BRI3BP: variants seen among roughly 807,000 people sequenced by gnomAD.
BRI3BP encodes the protein BRI3 binding protein.
A neutral mutation model predicts 15.8 loss-of-function variants in BRI3BP; 7 were observed. The ratio of observed to expected loss-of-function variants is 0.44; its 90% confidence interval spans 0.25 to 0.83. The LOEUF is 0.83. BRI3BP is among the 40% of genes least tolerant of loss of function. The probability of loss-of-function intolerance (pLI) is 0.20; values close to 1 mark genes in which losing one functional copy is unlikely to be tolerated. For missense variants in BRI3BP, 320 were observed against 339.3 expected (o/e 0.94, Z 0.45); for synonymous variants, 192 against 163.5 (o/e 1.17, Z -1.33).
At chr12:125,033,725 G>A (rs993356299), downstream of BRI3BP, among the ~76,000 whole-genome samples, 2 of 149,380 alleles carry the variant, frequency 1.3e-5, no homozygotes, top group African/African-American at 5.0e-5. Flanking sequence ...CCCCTGTACT[G>A]TTTTGTTTTT....
chr12:125,051,110 A>G, the BRI3BP span, among the ~76,000 whole-genome samples: 1 of 152,210 alleles, frequency 6.6e-6, no homozygotes, highest in Non-Finnish European at 1.5e-5. Context: ...CAAGCTTCAG[A>G]TGGCTTGTCT....
At position 125,031,024 on chromosome 12, in the gene BRI3BP, TTA is replaced by T. The variant is rs1955402446; in HGVS notation, c.*5599_*5600del. 1 of 151,956 alleles carries T rather than the reference TTA, an allele frequency of 6.6e-6. No homozygotes were observed. Among genetic ancestry groups the T allele is most frequent in the South Asian group, 2.1e-4 (1 of 4,830 alleles). The allele number at this position is 151,956 out of a possible 1,614,324, so 9.4% of individuals were successfully genotyped here. ...TTGGGAAACTGATTCTACAAATATCTTATATAGAGATAAATGTATCAGGCATT... is the reference window on the plus strand; with the variant it reads ...TTGGGAAACTGATTCTACAAATATCTTATAGAGATAAATGTATCAGGCATT... On this transcript the variant is annotated 3_prime_UTR_variant, in exon 3 of 3. Coordinates refer to ENST00000341446, the MANE Select transcript of BRI3BP (RefSeq NM_080626.6).
the BRI3BP span, among the ~76,000 whole-genome samples, chr12:125,039,695 C>T: frequency 8.4e-4 from 127 of 151,892 alleles, no homozygotes; most frequent in African/African-American, 3.0e-3. Flanking sequence ...GACGTGGAGG[C>T]TTAAAAGGGT....
chr12:125,025,750 C>A lies in BRI3BP; in HGVS notation c.*320C>A. ...AGAGCATAAAGTTAATTTTTTCAAG[C>A]ATTTAAATACATCTTTTGTAAGGTT... On this transcript the variant is annotated 3_prime_UTR_variant, in exon 3 of 3. Transcript: ENST00000341446. The A allele has an allele frequency of 7.4e-5, 16 of 215,120 alleles. No homozygotes were observed. The highest frequency in any genetic ancestry group is 9.9e-5 in the East Asian group (1 of 10,084). 13.3% of individuals were successfully genotyped at this position (215,120 alleles called of 1,614,324 possible). A position where few individuals can be genotyped will look rare whatever the true frequency, so the allele number is the denominator to read the frequency against.
chr12:125,017,701 A>G (rs963438136), intron 2 of BRI3BP, among the ~76,000 whole-genome samples: 1 of 152,106 alleles, frequency 6.6e-6, no homozygotes, highest in Non-Finnish European at 1.5e-5. Flanking sequence ...CAGGAGTTGG[A>G]AGGATGGCTT....
At chr12:125,044,248 G>T in the BRI3BP span, among the ~76,000 whole-genome samples, 3 of 152,078 alleles carry the variant, frequency 2.0e-5, no homozygotes, top group South Asian at 4.2e-4. Context: ...CAGCTCCCGG[G>T]TTCAAGCGAT....
At chr12:124,994,031 A>G in intron 1 of BRI3BP, 28 bp downstream of exon 1, 4 of 1,273,808 alleles carry the variant, frequency 3.1e-6, no homozygotes, top group Admixed American at 3.1e-5. Flanking sequence ...GCCCGCGGTC[A>G]CCTTGCCCCG....
chr12:125,013,112 C>T (rs942219276), intron 2 of BRI3BP, among the ~76,000 whole-genome samples: 4 of 152,054 alleles, frequency 2.6e-5, no homozygotes, highest in African/African-American at 9.7e-5. Context: ...AAACAAATGG[C>T]CCATCAAAGC....
At chr12:125,004,887 G>C (rs12302068) in intron 1 of BRI3BP, among the ~76,000 whole-genome samples, 9,252 of 151,988 alleles carry the variant, frequency 0.061, 415 homozygotes, top group Admixed American at 0.14. Context: ...CCTGTGTCAC[G>C]CAGGCTGGAG....
downstream of BRI3BP, among the ~76,000 whole-genome samples, chr12:125,032,745 G>A (rs553020957): frequency 7.2e-5 from 11 of 152,356 alleles, no homozygotes; most frequent in Non-Finnish European, 1.5e-4. Context: ...CTGCATTCCA[G>A]CCTGGGGAAC....
At chr12:125,009,684 A>C (rs1955180673) in intron 1 of BRI3BP, among the ~76,000 whole-genome samples, 1 of 150,026 alleles carries the variant, frequency 6.7e-6, no homozygotes, top group African/African-American at 2.5e-5. Flanking sequence ...CAGTCCTCCC[A>C]CCTCAGCCTC....
In BRI3BP at chr12:125,029,249, C is replaced by T. The variant is rs1955385623; in HGVS notation, c.*3819C>T. 1 of 150,490 alleles carries T rather than the reference C, an allele frequency of 6.6e-6. No individual in the cohort carries two copies. The highest frequency in any genetic ancestry group is 6.8e-5 in the Admixed American group (1 of 14,786). 9.3% of individuals were successfully genotyped at this position (150,490 alleles called of 1,614,324 possible). On this transcript the variant is annotated 3_prime_UTR_variant, in exon 3 of 3. Transcript: ENST00000341446. ...ACTTTCCAGGCTGGGTGCAGTGGCT[C>T]AAGCTTGTAATCCCAGCACTTTGGG...
At chr12:125,042,053 T>C in the BRI3BP span, among the ~76,000 whole-genome samples, 1 of 152,218 alleles carries the variant, frequency 6.6e-6, no homozygotes, top group Non-Finnish European at 1.5e-5. Context: ...CCCTAGTTTA[T>C]CTGAATGGCT....
chr12:125,036,213 C>CACCA, downstream of BRI3BP, among the ~76,000 whole-genome samples: 1 of 28,802 alleles, frequency 3.5e-5, no homozygotes, highest in South Asian at 1.9e-3. Context: ...TACAGACACA[C>CACCA]ACCACTACAC....
intron 2 of BRI3BP, among the ~76,000 whole-genome samples, chr12:125,019,339 G>A (rs904445591): frequency 6.6e-6 from 1 of 152,046 alleles, no homozygotes; most frequent in Non-Finnish European, 1.5e-5. Context: ...TCACCGAGAG[G>A]TGGAAGGCAG....
chr12:125,043,922 G>A, the BRI3BP span, among the ~76,000 whole-genome samples: 6 of 151,994 alleles, frequency 3.9e-5, no homozygotes, highest in Admixed American at 1.3e-4. Context: ...CTACTTGGGA[G>A]GCTGAGGTGT....
chr12:125,049,896 G>A, the BRI3BP span, among the ~76,000 whole-genome samples: 1 of 152,186 alleles, frequency 6.6e-6, no homozygotes, highest in Non-Finnish European at 1.5e-5. Flanking sequence ...GATGGGGTGG[G>A]GACGCGCAGG....
At chr12:125,040,440 G>A in the BRI3BP span, among the ~76,000 whole-genome samples, 2 of 150,738 alleles carry the variant, frequency 1.3e-5, no homozygotes, top group Admixed American at 6.6e-5. Context: ...CAACTCCTGG[G>A]TTCAAGCGAT....
chr12:125,028,077 C>T lies in BRI3BP; in HGVS notation c.*2647C>T, dbSNP rs1365397815. On this transcript the variant is annotated 3_prime_UTR_variant, in exon 3 of 3. Transcript: ENST00000341446. Reference sequence around the variant, plus strand: ...GTCATTTAGATACTTGTAGATGAATCTATTTTAGCACAAGGTATAAATAAC... The same window carrying T: ...GTCATTTAGATACTTGTAGATGAATTTATTTTAGCACAAGGTATAAATAAC... 5 of 152,236 alleles carry T rather than the reference C, an allele frequency of 3.3e-5. No homozygotes were observed. The highest frequency in any genetic ancestry group is 5.9e-5 in the Non-Finnish European group (4 of 68,046). 9.4% of individuals were successfully genotyped at this position (152,236 alleles called of 1,614,324 possible).
Sources: gnomAD v4.1 joint callset for allele counts (sites outside exome capture counted in the v4.1 genomes callset) on GRCh38, gnomAD v4.1.1 for gene constraint, MANE v1.5 for transcripts, NCBI Gene and HGNC (gene_info 2026-07-23, HGNC 2026-07-21) for gene names.